The following ROBO2 variants were observed in gnomAD, a reference collection of about 807,000 sequenced individuals.
ROBO2 encodes roundabout guidance receptor 2, also known as roundabout homolog 2.
In ROBO2, 53 loss-of-function variants were observed where a neutral mutation model predicts 160.8. The observed-to-expected ratio is 0.33, with a 90% CI of 0.26 to 0.41. The LOEUF (loss-of-function observed/expected upper bound fraction) is 0.41, where lower values mean the gene tolerates loss of function less well. Ranked by LOEUF, ROBO2 falls within the 10% of genes least tolerant of loss-of-function variation. ROBO2 has a pLI of 1.00. For missense variants in ROBO2, 1,577 were observed against 1,722.4 expected, an observed-to-expected ratio of 0.92 and a Z score of 1.49; for synonymous variants, 664 against 611.7, an observed-to-expected ratio of 1.09 and a Z score of -1.26.
intron 2 of ROBO2, among the ~76,000 whole-genome samples, chr3:77,295,252 A>T (rs1404251159): frequency 6.7e-6 from 1 of 148,896 alleles, no homozygotes; most frequent in Non-Finnish European, 1.5e-5. Flanking sequence ...ATAAAGTAAA[A>T]TTGACGATTA....
intron 2 of ROBO2, among the ~76,000 whole-genome samples, chr3:76,489,787 A>G (rs1378018464): frequency 2.0e-5 from 3 of 151,976 alleles, no homozygotes; most frequent in African/African-American, 7.2e-5. Flanking sequence ...GTTTAAAATA[A>G]AAAAGATATT....
intron 2 of ROBO2, among the ~76,000 whole-genome samples, chr3:75,971,787 C>T (rs2065002686): frequency 6.6e-6 from 1 of 151,376 alleles, no homozygotes; most frequent in Non-Finnish European, 1.5e-5. Flanking sequence ...TTTAGAGATT[C>T]TTAAGTTTTA....
At chr3:77,589,770 C>T (rs571147372) in intron 17 of ROBO2, among the ~76,000 whole-genome samples, 1 of 152,172 alleles carries the variant, frequency 6.6e-6, no homozygotes, top group African/African-American at 2.4e-5. Context: ...TTTAAGTGCA[C>T]TTTATTTTAA....
intron 2 of ROBO2, among the ~76,000 whole-genome samples, chr3:76,964,258 A>G (rs981847401): frequency 4.6e-5 from 7 of 152,204 alleles, no homozygotes; most frequent in African/African-American, 1.7e-4. Context: ...ATTCATATTA[A>G]GGTTTAAATG....
At chr3:76,309,020 A>AT (rs1046728422) in intron 2 of ROBO2, among the ~76,000 whole-genome samples, 1 of 152,014 alleles carries the variant, frequency 6.6e-6, no homozygotes, top group African/African-American at 2.4e-5. Flanking sequence ...CCTATTTGAC[A>AT]TTTTTTCTGT....
At chr3:76,098,289 T>C (rs2069534987) in intron 2 of ROBO2, among the ~76,000 whole-genome samples, 1 of 152,154 alleles carries the variant, frequency 6.6e-6, no homozygotes, top group Non-Finnish European at 1.5e-5. Context: ...TGCATTTCTA[T>C]AGAGAACATC....
chr3:76,211,175 A>T (rs1703123254), intron 2 of ROBO2, among the ~76,000 whole-genome samples: 1 of 152,042 alleles, frequency 6.6e-6, no homozygotes, highest in Admixed American at 6.6e-5. Context: ...GCGCTTCAGG[A>T]GCCATACTTA....
Position 76,670,230 on chromosome 3 carries a change from G to C in ROBO2, c.110-427784G>C, listed in dbSNP as rs140176372. Among the ~76,000 whole-genome samples, 360 of 151,544 alleles carry C rather than the reference G, an allele frequency of 2.4e-3. 2 individuals are homozygous for C. Among genetic ancestry groups the C allele is most frequent in the Middle Eastern group, 7.0e-3 (2 of 286 alleles). On this transcript the variant is annotated intron_variant, in intron 2 of 26. Transcript: ENST00000487694. ...TTTTAATTAATCTTTTCCTTTAAGAGTTCTGTGTATTTTAGCTTTTATACA... is the reference window on the plus strand; with the variant it reads ...TTTTAATTAATCTTTTCCTTTAAGACTTCTGTGTATTTTAGCTTTTATACA...
chr3:76,023,419 G>A (rs1012189129), intron 2 of ROBO2, among the ~76,000 whole-genome samples: 9 of 151,344 alleles, frequency 5.9e-5, no homozygotes, highest in African/African-American at 1.7e-4. Flanking sequence ...TTCTTTTCAC[G>A]TGAACACTTA....
At chr3:76,335,051 G>A (rs1322276550) in intron 2 of ROBO2, among the ~76,000 whole-genome samples, 2 of 149,122 alleles carry the variant, frequency 1.3e-5, no homozygotes, top group South Asian at 2.1e-4. Flanking sequence ...TTTTGTTTTT[G>A]TAGAGACAGG....
chr3:76,496,622 C>T (rs1473012952), intron 2 of ROBO2, among the ~76,000 whole-genome samples: 3 of 152,086 alleles, frequency 2.0e-5, no homozygotes, highest in Admixed American at 1.3e-4. Flanking sequence ...TAACATGCTC[C>T]GAGCTGAAAT....
At chr3:77,103,494 T>C (rs1390851136) in intron 2 of ROBO2, among the ~76,000 whole-genome samples, 9 of 151,790 alleles carry the variant, frequency 5.9e-5, no homozygotes. Flanking sequence ...CTTTGATAAA[T>C]AAAATGACTA....
intron 2 of ROBO2, among the ~76,000 whole-genome samples, chr3:76,186,012 C>CAAGG (rs1701746509): frequency 6.6e-6 from 1 of 150,618 alleles, no homozygotes; most frequent in Non-Finnish European, 1.5e-5. Context: ...CAGCTCACTG[C>CAAGG]AGCATCAAGC....
chr3:76,957,504 T>G (rs1309102270), intron 2 of ROBO2, among the ~76,000 whole-genome samples: 5 of 152,076 alleles, frequency 3.3e-5, no homozygotes. Context: ...AGATATCTAC[T>G]GTCTCTGATA....
chr3:76,284,218 T>A (rs1708393690), intron 2 of ROBO2, among the ~76,000 whole-genome samples: 1 of 152,062 alleles, frequency 6.6e-6, no homozygotes, highest in Non-Finnish European at 1.5e-5. Context: ...CATTTAGGAT[T>A]TTTTACCTTG....
At chr3:77,317,319 A>C in intron 2 of ROBO2, 1 of 760,878 alleles carries the variant, frequency 1.3e-6, no homozygotes, top group Non-Finnish European at 2.3e-6. Flanking sequence ...ATGCAAGGTC[A>C]GCCTCAGGCC....
chr3:76,981,894 C>T (rs917260799), intron 2 of ROBO2, among the ~76,000 whole-genome samples: 11 of 152,124 alleles, frequency 7.2e-5, no homozygotes, highest in East Asian at 1.9e-4. Context: ...ATGACCAGCT[C>T]TCCCCAGAAC....
At chr3:76,075,425 G>T (rs1413304887) in intron 2 of ROBO2, among the ~76,000 whole-genome samples, 1 of 149,950 alleles carries the variant, frequency 6.7e-6, no homozygotes. Context: ...CCTGTCTGGA[G>T]TTAAATGAGG....
At chr3:76,294,905 A>C (rs888242492) in intron 2 of ROBO2, among the ~76,000 whole-genome samples, 3 of 152,186 alleles carry the variant, frequency 2.0e-5, no homozygotes, top group Non-Finnish European at 4.4e-5. Context: ...AATAGTCTCC[A>C]AATGAGTGAT....
Sources: gnomAD v4.1 joint callset for allele counts (sites outside exome capture counted in the v4.1 genomes callset) on GRCh38, gnomAD v4.1.1 for gene constraint, MANE v1.5 for transcripts, NCBI Gene and HGNC (gene_info 2026-07-23, HGNC 2026-07-21) for gene names.